The following PRKN variants were observed in gnomAD, a reference collection of about 807,000 sequenced individuals.
The protein encoded by PRKN is E3 ubiquitin-protein ligase parkin.
PRKN carries 56 observed loss-of-function variants against 59.5 expected under a neutral mutation model. That is an observed-to-expected ratio of 0.94 (90% CI 0.76 to 1.18). The LOEUF is 1.18. Among genes scored for constraint, PRKN ranks in the 50% most tolerant of loss-of-function variants. PRKN has a pLI of 0.00. For synonymous variants in PRKN, 250 were observed against 222.1 expected, an observed-to-expected ratio of 1.13 and a Z score of -1.12; for missense variants, 657 against 596.4, an observed-to-expected ratio of 1.10 and a Z score of -1.06.
At chr6:161,465,805 T>G (rs1463573883) in intron 9 of PRKN, among the ~76,000 whole-genome samples, 1 of 152,226 alleles carries the variant, frequency 6.6e-6, no homozygotes, top group Non-Finnish European at 1.5e-5. Context: ...AAATATTTCT[T>G]CTGGCCCATT....
intron 6 of PRKN, among the ~76,000 whole-genome samples, chr6:161,830,264 T>TC (rs1792432080): frequency 1.3e-5 from 2 of 151,702 alleles, no homozygotes; most frequent in African/African-American, 4.8e-5. Context: ...TTTGTTTTTT[T>TC]TTTTTGAGAT....
At chr6:161,594,729 ATAACT>A (rs1371727128) in intron 7 of PRKN, among the ~76,000 whole-genome samples, 1 of 70,580 alleles carries the variant, frequency 1.4e-5, no homozygotes, top group African/African-American at 1.5e-4. Context: ...AGTTGACTGA[ATAACT>A]GAACAACTAA....
At chr6:162,396,211 G>A (rs1787468412) in intron 2 of PRKN, among the ~76,000 whole-genome samples, 1 of 152,164 alleles carries the variant, frequency 6.6e-6, no homozygotes, top group Non-Finnish European at 1.5e-5. Flanking sequence ...GGGATTGTAG[G>A]AGTTTTAGAA....
Position 162,010,561 on chromosome 6 carries a change from A to T in PRKN, c.619-37144T>A, listed in dbSNP as rs1179722255. 3.8e-3 allele frequency among the ~76,000 whole-genome samples: 53 copies of T among 13,864 alleles called. 11 individuals carry two copies. Among genetic ancestry groups the T allele is most frequent in the African/African-American group, 0.01 (12 of 1,178 alleles). The allele number at this position is 13,864 out of a possible 152,430, so 9.1% of individuals were successfully genotyped here. A position where few individuals can be genotyped will look rare whatever the true frequency, so the allele number is the denominator to read the frequency against. ...TAATGTATTATATTATATATTATAT[A>T]ATATATTATATAATGTATTATATTA... On this transcript the variant is annotated intron_variant, in intron 5 of 11. Transcript: ENST00000366898.
At chr6:162,526,599 G>A (rs904453191) in intron 1 of PRKN, among the ~76,000 whole-genome samples, 5 of 150,166 alleles carry the variant, frequency 3.3e-5, no homozygotes, top group East Asian at 2.0e-4. Context: ...GCAGTGAGCC[G>A]AGATCGCGCT....
chr6:161,630,951 C>T (rs564309588), intron 7 of PRKN, among the ~76,000 whole-genome samples: 20 of 152,320 alleles, frequency 1.3e-4, no homozygotes, highest in Non-Finnish European at 2.2e-4. Flanking sequence ...CAGACAAAAA[C>T]AATCCTTTAA....
intron 7 of PRKN, among the ~76,000 whole-genome samples, chr6:161,571,441 G>T (rs1780886066): frequency 6.6e-6 from 1 of 152,170 alleles, no homozygotes; most frequent in South Asian, 2.1e-4. Context: ...CCCTGAGAGT[G>T]TTTGTCTGGG....
In PRKN at chr6:161,386,864, C is replaced by T. The variant is rs761213043; in HGVS notation, c.1097G>A (p.Arg366Gln). 2.9e-5 allele frequency: 47 copies of T among 1,613,822 alleles called. No individual in the cohort carries two copies. Among genetic ancestry groups the T allele is most frequent in the East Asian group, 1.3e-4 (6 of 44,890 alleles). Residue 366 changes from arginine to glutamine, a missense_variant, in exon 10 of 12, where the codon CGG becomes CAG. By Grantham distance (43) the Arg-to-Gln change is conservative. Transcript: ENST00000366898. The surrounding 1 kb of genome is among the most constrained non-coding windows in gnomAD (Gnocchi z 4.3). ...NGLGCGFAFC[R>Q]ECKEAYHEGE... ...TTCATGGTACGCTTCTTTACATTCC[C>T]GGCAGAAGGCAAACTGCAAAAGAAC...
At chr6:162,258,996 G>C (rs188498712) in intron 3 of PRKN, among the ~76,000 whole-genome samples, 17 of 152,214 alleles carry the variant, frequency 1.1e-4, no homozygotes, top group Admixed American at 1.1e-3. Context: ...CTACAGCCCA[G>C]CTATTCACCC....
At chr6:161,642,848 T>TA (rs968534972) in intron 7 of PRKN, among the ~76,000 whole-genome samples, 7 of 152,188 alleles carry the variant, frequency 4.6e-5, no homozygotes. Context: ...TTATTATTTT[T>TA]AAAAACATTT....
intron 6 of PRKN, among the ~76,000 whole-genome samples, chr6:161,823,430 C>T (rs539955075): frequency 2.0e-5 from 3 of 152,262 alleles, no homozygotes; most frequent in African/African-American, 7.2e-5. Context: ...GCTGGGTACA[C>T]TGCAGACACT....
At chr6:161,437,522 G>A (rs753744874) in intron 9 of PRKN, among the ~76,000 whole-genome samples, 27 of 152,304 alleles carry the variant, frequency 1.8e-4, no homozygotes, top group Admixed American at 2.6e-4. Flanking sequence ...TCCTGTATGC[G>A]CTTTGGCAGT....
intron 3 of PRKN, among the ~76,000 whole-genome samples, chr6:162,217,493 G>A (rs535660859): frequency 6.9e-4 from 105 of 152,226 alleles, no homozygotes; most frequent in Non-Finnish European, 1.1e-3. Context: ...CTATTCTCCT[G>A]ACTCTGCCTC....
At chr6:162,708,203 A>G (rs894333573) in intron 1 of PRKN, among the ~76,000 whole-genome samples, 24 of 152,228 alleles carry the variant, frequency 1.6e-4, no homozygotes, top group African/African-American at 5.8e-4. Flanking sequence ...TAGTGACTCA[A>G]TCCAGCTGTG....
chr6:161,767,822 T>C (rs1789496323), intron 7 of PRKN, among the ~76,000 whole-genome samples: 1 of 152,092 alleles, frequency 6.6e-6, no homozygotes, highest in South Asian at 2.1e-4. Flanking sequence ...TTCCGGACAC[T>C]GCATCAGGGG....
At position 161,593,176 on chromosome 6, in the gene PRKN, A is replaced by C. The variant is rs1781786667; in HGVS notation, c.872-23760T>G. Among the ~76,000 whole-genome samples the C allele has an allele frequency of 6.6e-6, 1 of 152,194 alleles. No individual in the cohort carries two copies. The highest frequency in any genetic ancestry group is 2.4e-5 in the African/African-American group (1 of 41,454). On this transcript the variant is annotated intron_variant, in intron 7 of 11. Coordinates refer to ENST00000366898, the MANE Select transcript of PRKN (RefSeq NM_004562.3). The surrounding 1 kb of genome is among the most constrained non-coding windows in gnomAD (Gnocchi z 4.8). The stretch of plus-strand genomic sequence containing the variant: ...GTATAGAAAATAATTACGAACTAAT[A>C]ATAACGACAATCATTATGAACTAAT...
At chr6:162,723,536 C>T (rs534728409) in intron 1 of PRKN, among the ~76,000 whole-genome samples, 3 of 152,104 alleles carry the variant, frequency 2.0e-5, no homozygotes, top group East Asian at 1.9e-4. Flanking sequence ...TCAGGAAGGA[C>T]GTCTTTTGGC....
chr6:162,389,709 C>T (rs1261799858), intron 2 of PRKN, among the ~76,000 whole-genome samples: 2 of 152,268 alleles, frequency 1.3e-5, no homozygotes, highest in East Asian at 1.9e-4. Context: ...AGAACTTCAG[C>T]GAAGATAAGT....
At chr6:162,482,870 C>T (rs150369386) in intron 1 of PRKN, among the ~76,000 whole-genome samples, 142 of 152,216 alleles carry the variant, frequency 9.3e-4, no homozygotes, top group African/African-American at 3.3e-3. Context: ...ATCCATCATA[C>T]CTAATACCAA....
Sources: gnomAD v4.1 joint callset for allele counts (sites outside exome capture counted in the v4.1 genomes callset) on GRCh38, gnomAD v4.1.1 for gene constraint, Gnocchi (gnomAD v3.1) non-coding constraint, MANE v1.5 for transcripts, NCBI Gene and HGNC (gene_info 2026-07-23, HGNC 2026-07-21) for gene names.